LRRC18: variants seen among roughly 807,000 people sequenced by gnomAD.
The protein encoded by LRRC18 is leucine-rich repeat-containing protein 18.
Under a neutral mutation model 11.2 loss-of-function variants are expected in LRRC18, and 12 were observed. That is an observed-to-expected ratio of 1.07 (90% CI 0.69 to 1.74). The LOEUF is 1.74. Ranked by LOEUF, LRRC18 falls within the 40% of genes most tolerant of loss-of-function variation. The pLI is 0.00. For synonymous variants in LRRC18, 155 were observed against 130.6 expected, an observed-to-expected ratio of 1.19 and a Z score of -1.27; for missense variants, 374 against 330.5, an observed-to-expected ratio of 1.13 and a Z score of -1.02.
At chr10:48,918,792 A>T (rs999972814), upstream of LRRC18, among the ~76,000 whole-genome samples, 2 of 152,200 alleles carry the variant, frequency 1.3e-5, no homozygotes, top group African/African-American at 4.8e-5. Flanking sequence ...CCTGCCTTGT[A>T]CATTGTAGAA....
At chr10:48,910,004 A>ATTT (rs1837856200) in exon 2 of LRRC18, 1 of 545,818 alleles carries the variant, frequency 1.8e-6, no homozygotes, top group South Asian at 2.7e-5. Context: ...TTCTATATAC[A>ATTT]TTTTAAAAAC....
At chr10:48,938,220 G>T in the LRRC18 span, among the ~76,000 whole-genome samples, 3 of 152,216 alleles carry the variant, frequency 2.0e-5, no homozygotes, top group African/African-American at 7.2e-5. Context: ...GGAGAATTTG[G>T]AGAGGCAGCA....
At chr10:48,933,853 G>A in the LRRC18 span, among the ~76,000 whole-genome samples, 7,235 of 152,090 alleles carry the variant, frequency 0.048, 250 homozygotes, top group South Asian at 0.14. Context: ...TCATCTCTCC[G>A]CTGATAGGAA....
chr10:48,912,606 C>T (rs777859013), intron 1 of LRRC18, among the ~76,000 whole-genome samples: 7 of 152,250 alleles, frequency 4.6e-5, no homozygotes, highest in Non-Finnish European at 7.3e-5. Flanking sequence ...CAAAGGGACA[C>T]GGCCCCTGCA....
chr10:48,932,303 C>T, the LRRC18 span, among the ~76,000 whole-genome samples: 3 of 152,288 alleles, frequency 2.0e-5, no homozygotes, highest in South Asian at 6.2e-4. Flanking sequence ...CTGCTCTGGG[C>T]CACTCCCCAC....
chr10:48,933,095 T>C, the LRRC18 span, among the ~76,000 whole-genome samples: 1 of 151,954 alleles, frequency 6.6e-6, no homozygotes, highest in African/African-American at 2.4e-5. Flanking sequence ...GGGGAGTCTG[T>C]GCTGAAGGGC....
intron 1 of LRRC18, among the ~76,000 whole-genome samples, 187 bp downstream of exon 3, chr10:48,913,205 C>A (rs541654689): frequency 4.6e-5 from 7 of 152,166 alleles, no homozygotes; most frequent in East Asian, 1.9e-4. Context: ...TGTGGAATGG[C>A]AAGGAATCAA....
At chr10:48,910,081 A>C (rs1837860620) in exon 2 of LRRC18, 1 of 675,180 alleles carries the variant, frequency 1.5e-6, no homozygotes, top group African/African-American at 1.8e-5. Context: ...GGTGAAGTGA[A>C]TTTGAGAAGC....
the LRRC18 span, among the ~76,000 whole-genome samples, chr10:48,927,060 G>A: frequency 4.6e-5 from 7 of 152,350 alleles, no homozygotes; most frequent in African/African-American, 1.7e-4. Context: ...CTGGAGAGCT[G>A]CAGGCTGCTG....
chr10:48,915,478 C>T (rs1448562726), upstream of LRRC18, among the ~76,000 whole-genome samples: 1 of 151,892 alleles, frequency 6.6e-6, no homozygotes, highest in African/African-American at 2.4e-5. Flanking sequence ...GAGACACAAA[C>T]TTGCATTGCC....
chr10:48,937,509 G>A, the LRRC18 span, among the ~76,000 whole-genome samples: 17 of 152,064 alleles, frequency 1.1e-4, no homozygotes, highest in African/African-American at 3.9e-4. Context: ...CACCTCCCTG[G>A]CCTGTACACC....
the LRRC18 span, among the ~76,000 whole-genome samples, chr10:48,924,396 T>A: frequency 6.6e-6 from 1 of 152,184 alleles, no homozygotes; most frequent in Non-Finnish European, 1.5e-5. Flanking sequence ...TATTATCAGT[T>A]CATAGAATTC....
the LRRC18 span, among the ~76,000 whole-genome samples, chr10:48,928,743 C>A: frequency 6.6e-6 from 1 of 152,218 alleles, no homozygotes; most frequent in Non-Finnish European, 1.5e-5. Context: ...CGCAGGACAG[C>A]TCGCAGCCCT....
the LRRC18 span, among the ~76,000 whole-genome samples, chr10:48,923,342 A>G: frequency 1.3e-5 from 2 of 151,962 alleles, no homozygotes; most frequent in South Asian, 4.2e-4. Context: ...TGAAATCTTC[A>G]TTAAAAAGAG....
the LRRC18 span, among the ~76,000 whole-genome samples, chr10:48,920,576 A>G: frequency 5.1e-4 from 78 of 152,370 alleles, 2 homozygotes; most frequent in South Asian, 0.015. Context: ...TTCGTGAAGG[A>G]CAGAAGGTTC....
the LRRC18 span, among the ~76,000 whole-genome samples, chr10:48,936,440 T>C: frequency 6.6e-6 from 1 of 152,030 alleles, no homozygotes; most frequent in Non-Finnish European, 1.5e-5. Flanking sequence ...AATTAAATAA[T>C]ATAAAAATCA....
chr10:48,927,829 T>C, the LRRC18 span, among the ~76,000 whole-genome samples: 5 of 152,236 alleles, frequency 3.3e-5, no homozygotes, highest in African/African-American at 1.2e-4. Flanking sequence ...TTTGTAATTC[T>C]GGATGTACTC....
chr10:48,914,149 T>C (rs1838281986), exon 1 of LRRC18: 1 of 1,612,682 alleles, frequency 6.2e-7, no homozygotes, highest in Non-Finnish European at 8.5e-7. Context: ...TTCTCACCCT[T>C]AACCATGTTC....
At chr10:48,939,105 G>A in the LRRC18 span, among the ~76,000 whole-genome samples, 1 of 152,208 alleles carries the variant, frequency 6.6e-6, no homozygotes, top group Non-Finnish European at 1.5e-5. Context: ...TGGGCTGACT[G>A]AGCAGGTGCC....
Sources: allele counts gnomAD v4.1 joint callset (sites outside exome capture counted in the v4.1 genomes callset), GRCh38; gene constraint gnomAD v4.1.1; transcripts MANE v1.5; gene names NCBI Gene and HGNC (gene_info 2026-07-23, HGNC 2026-07-21).